Variants in FARS2 observed in about 807,000 individuals in gnomAD.
FARS2 encodes phenylalanyl-tRNA synthetase 2, mitochondrial, also known as phenylalanine--tRNA ligase, mitochondrial.
FARS2 carries 40 observed loss-of-function variants against 46.4 expected under a neutral mutation model. The ratio of observed to expected loss-of-function variants is 0.86; its 90% CI spans 0.67 to 1.12. The LOEUF (loss-of-function observed/expected upper bound fraction) is 1.12, where lower values mean the gene tolerates loss of function less well. FARS2 is among the 50% of genes most tolerant of loss of function. The pLI is 0.00. For synonymous variants in FARS2, 234 were observed against 214.9 expected (o/e 1.09, Z -0.78); for missense variants, 513 against 567.9 (o/e 0.90, Z 0.98).
chr6:5,311,565 A>C lies in FARS2; in HGVS notation c.-22+49905A>C, dbSNP rs1769082368. Among the ~76,000 whole-genome samples, 1 of 152,204 alleles carries C rather than the reference A, an allele frequency of 6.6e-6. No homozygotes were observed. The highest frequency in any genetic ancestry group is 2.1e-4 in the South Asian group (1 of 4,830). Reference sequence around the variant, plus strand: ...ACCCTAATAAATGTTCCTTAGAAAAAAATTTCCATAAAATGTTCTTTATTT... The same window carrying C: ...ACCCTAATAAATGTTCCTTAGAAAACAATTTCCATAAAATGTTCTTTATTT... On this transcript the variant is annotated intron_variant, in intron 1 of 6. Coordinates refer to ENST00000274680, the MANE Select transcript of FARS2 (RefSeq NM_006567.5). This position sits in a 1 kb window ranked among gnomAD's most constrained non-coding sequence, Gnocchi z 4.1.
Position 5,441,271 on chromosome 6 carries a change from G to T in FARS2, c.904+10099G>T, listed in dbSNP as rs1361416260. 3.3e-5 allele frequency among the ~76,000 whole-genome samples: 5 copies of T among 151,870 alleles called. No homozygotes were observed. The East Asian group carries it at 7.7e-4, about 23-fold the overall frequency. ...TAGAAAGGATGCTAGAATATATTCT[G>T]CAAGTTTTTCTTTTTATTCTTTCAC... is the stretch of plus-strand genomic sequence containing the variant. On this transcript the variant is annotated intron_variant, in intron 4 of 6. Transcript: ENST00000274680.
At position 5,479,185 on chromosome 6, in the gene FARS2, C is replaced by T. The variant is rs575654133; in HGVS notation, c.904+48013C>T. Among the ~76,000 whole-genome samples the T allele has an allele frequency of 7.2e-5, 11 of 152,246 alleles. No individual in the cohort carries two copies. In the East Asian group the frequency reaches 7.7e-4, roughly 11 times the overall value. On this transcript the variant is annotated intron_variant, in intron 4 of 6. Coordinates refer to ENST00000274680, the MANE Select transcript of FARS2 (RefSeq NM_006567.5). ...CTGAGCACAGTTGGTTCTCTGTGTA[C>T]GGTCTTTTCACTTGTCATCCCTTTT...
chr6:5,638,564 CAAAAAACAAAAAAG>C (rs1460093352), intron 6 of FARS2, among the ~76,000 whole-genome samples: 2 of 151,850 alleles, frequency 1.3e-5, no homozygotes, highest in Non-Finnish European at 2.9e-5. Context: ...GACTCTGTCT[CAAAAAACAAAAAAG>C]AAAAAACAAA....
intron 5 of FARS2, among the ~76,000 whole-genome samples, chr6:5,574,723 C>A (rs1561723911): frequency 6.6e-6 from 1 of 152,106 alleles, no homozygotes; most frequent in African/African-American, 2.4e-5. Context: ...ACCTTTTCAT[C>A]AAATCATTTA....
At chr6:5,329,453 A>G (rs1770637180) in intron 1 of FARS2, among the ~76,000 whole-genome samples, 1 of 149,130 alleles carries the variant, frequency 6.7e-6, no homozygotes, top group African/African-American at 2.4e-5. Flanking sequence ...GTGACAACAA[A>G]TGTATGAGTT....
At chr6:5,261,339 G>C (rs889158061), upstream of FARS2, 1 of 152,694 alleles carries the variant, frequency 6.5e-6, no homozygotes, top group Non-Finnish European at 1.5e-5. Context: ...CTGCCTGAGA[G>C]AGTTTGCGGG....
chr6:5,350,936 C>G (rs921588293), intron 1 of FARS2, among the ~76,000 whole-genome samples: 1 of 152,166 alleles, frequency 6.6e-6, no homozygotes, highest in Admixed American at 6.5e-5. Context: ...TATATTTGCT[C>G]ATTTAGTCAT....
At chr6:5,507,563 G>A (rs1468574869) in intron 4 of FARS2, among the ~76,000 whole-genome samples, 2 of 152,228 alleles carry the variant, frequency 1.3e-5, no homozygotes, top group Non-Finnish European at 2.9e-5. Context: ...GCAGGCTGGG[G>A]TGGAAGGCAG....
Position 5,579,552 on chromosome 6 carries a change from G to A in FARS2, c.1066-33617G>A, listed in dbSNP as rs61008866. ...GCCTCCCAAAGTGCTGGGATTATAG[G>A]CGTGAGCCACCATGCCCAGACTATT... On this transcript the variant is annotated intron_variant, in intron 5 of 6. Coordinates refer to ENST00000274680, the MANE Select transcript of FARS2 (RefSeq NM_006567.5). 2.1e-3 allele frequency among the ~76,000 whole-genome samples: 319 copies of A among 152,330 alleles called. 1 individual carries two copies. The highest frequency in any genetic ancestry group is 7.5e-3 in the African/African-American group (310 of 41,572).
At chr6:5,659,973 T>G (rs1561782971) in intron 6 of FARS2, among the ~76,000 whole-genome samples, 1 of 152,208 alleles carries the variant, frequency 6.6e-6, no homozygotes, top group Admixed American at 6.5e-5. Flanking sequence ...TACCTTCCTC[T>G]CCCTTCCCTC....
intron 4 of FARS2, among the ~76,000 whole-genome samples, chr6:5,461,065 G>T (rs1241610856): frequency 6.6e-6 from 1 of 151,384 alleles, no homozygotes; most frequent in African/African-American, 2.4e-5. Context: ...TTGAGTCACG[G>T]TATCACTCTG....
chr6:5,326,381 A>T (rs1389933555), intron 1 of FARS2, among the ~76,000 whole-genome samples: 1 of 152,202 alleles, frequency 6.6e-6, no homozygotes, highest in South Asian at 2.1e-4. Context: ...AGGAACATCC[A>T]CTTTGTCTTT....
At position 5,590,086 on chromosome 6, in the gene FARS2, TAA is replaced by T. The variant is rs2150600813; in HGVS notation, c.1066-23082_1066-23081del. 2.0e-5 allele frequency among the ~76,000 whole-genome samples: 3 copies of T among 152,316 alleles called. No individual in the cohort carries two copies. In the South Asian group the frequency reaches 6.2e-4, roughly 32 times the overall value. The stretch of plus-strand genomic sequence containing the variant: ...TGAAGATTAAATATCAAAATGTATG[TAA>T]GGTTCTCAGTTCAGTACCTGACATA... On this transcript the variant is annotated intron_variant, in intron 5 of 6. Coordinates refer to ENST00000274680, the MANE Select transcript of FARS2 (RefSeq NM_006567.5).
At chr6:5,711,294 GAAT>G (rs1489317437) in intron 6 of FARS2, among the ~76,000 whole-genome samples, 12 of 150,542 alleles carry the variant, frequency 8.0e-5, no homozygotes, top group African/African-American at 2.7e-4. Flanking sequence ...CGGGATGGAT[GAAT>G]GAATGAATGA....
chr6:5,751,925 G>C (rs1761969803), intron 6 of FARS2, among the ~76,000 whole-genome samples: 1 of 152,172 alleles, frequency 6.6e-6, no homozygotes, highest in African/African-American at 2.4e-5. Flanking sequence ...GTCAGTGCTG[G>C]AAGATTAAAA....
chr6:5,381,796 T>C (rs1405242354), intron 2 of FARS2, among the ~76,000 whole-genome samples: 1 of 152,144 alleles, frequency 6.6e-6, no homozygotes, highest in East Asian at 1.9e-4. Flanking sequence ...TGATTGGAGA[T>C]TGAGAACCAA....
chr6:5,747,178 G>C (rs1443216230), intron 6 of FARS2, among the ~76,000 whole-genome samples: 1 of 152,226 alleles, frequency 6.6e-6, no homozygotes, highest in Non-Finnish European at 1.5e-5. Context: ...GCTTCGCAAA[G>C]AGATAAGGTC....
chr6:5,747,623 C>T (rs1049036899), intron 6 of FARS2, among the ~76,000 whole-genome samples: 1 of 152,142 alleles, frequency 6.6e-6, no homozygotes, highest in Non-Finnish European at 1.5e-5. Flanking sequence ...TTGTTGGGCA[C>T]TGTCTTAGAG....
chr6:5,286,247 TATC>T (rs1246219996), intron 1 of FARS2, among the ~76,000 whole-genome samples: 1 of 152,122 alleles, frequency 6.6e-6, no homozygotes, highest in Non-Finnish European at 1.5e-5. Context: ...CTGTGGTGCT[TATC>T]ATAAGGGCAC....
Sources: gnomAD v4.1 joint callset for allele counts (sites outside exome capture counted in the v4.1 genomes callset) on GRCh38, gnomAD v4.1.1 for gene constraint, Gnocchi (gnomAD v3.1) non-coding constraint, MANE v1.5 for transcripts, NCBI Gene and HGNC (gene_info 2026-07-23, HGNC 2026-07-21) for gene names.